Variants in KCNH8 observed in about 807,000 individuals in gnomAD.
KCNH8 encodes the protein potassium voltage-gated channel subfamily H member 8, also known as voltage-gated delayed rectifier potassium channel KCNH8.
KCNH8 carries 70 observed loss-of-function variants against 103.6 expected under a neutral mutation model. The observed-to-expected ratio is 0.68, with a 90% confidence interval of 0.56 to 0.82. The LOEUF is 0.82. KCNH8 is among the 40% of genes least tolerant of loss of function. The probability of loss-of-function intolerance (pLI) is 0.00; values close to 1 mark genes in which losing one functional copy is unlikely to be tolerated. For missense variants in KCNH8, 1,217 were observed against 1,329.9 expected, an observed-to-expected ratio of 0.92 and a Z score of 1.32; for synonymous variants, 498 against 489.4, an observed-to-expected ratio of 1.02 and a Z score of -0.23.
At chr3:19,409,815 AGACTT>A (rs145012587) in intron 7 of KCNH8, among the ~76,000 whole-genome samples, 1,754 of 152,290 alleles carry the variant, frequency 0.012, 89 homozygotes, top group Admixed American at 0.084. Flanking sequence ...AGCAACAAGA[AGACTT>A]GACTATCATA....
rs544749411 is a variant in KCNH8 at position 19,307,060 on chromosome 3, G to A, written c.442+25731G>A. 1.4e-4 allele frequency among the ~76,000 whole-genome samples: 21 copies of A among 151,910 alleles called. No homozygotes were observed. The South Asian group carries it at 1.7e-3, about 12-fold the overall frequency. On this transcript the variant is annotated intron_variant, in intron 3 of 15. Coordinates refer to ENST00000328405, the MANE Select transcript of KCNH8 (RefSeq NM_144633.3). ...AGAACAGAATAGAGAATCCAGAAAC[G>A]AATCCACATATCTACAGCCAACTGA...
intron 11 of KCNH8, among the ~76,000 whole-genome samples, chr3:19,459,218 A>G (rs2067582232): frequency 1.3e-5 from 2 of 151,968 alleles, no homozygotes; most frequent in African/African-American, 2.4e-5. Context: ...TTGCACCAAC[A>G]GTGTGCAGGG....
chr3:19,353,552 A>C (rs138940271), intron 5 of KCNH8, among the ~76,000 whole-genome samples: 1,618 of 152,332 alleles, frequency 0.011, 28 homozygotes, highest in African/African-American at 0.037. Flanking sequence ...AGTTGGCTTC[A>C]TCTCTGGGAT....
chr3:19,215,410 T>A (rs2063809154), intron 1 of KCNH8, among the ~76,000 whole-genome samples: 1 of 152,088 alleles, frequency 6.6e-6, no homozygotes, highest in Non-Finnish European at 1.5e-5. Flanking sequence ...GGACCTAGAT[T>A]TATGAGAGAT....
intron 1 of KCNH8, among the ~76,000 whole-genome samples, chr3:19,180,179 C>CA (rs2063437045): frequency 1.3e-5 from 2 of 151,888 alleles, no homozygotes; most frequent in Admixed American, 1.3e-4. Flanking sequence ...CTAACTATTT[C>CA]AACCCTTTAC....
At chr3:19,317,808 T>C (rs1381912358) in intron 3 of KCNH8, among the ~76,000 whole-genome samples, 2 of 151,774 alleles carry the variant, frequency 1.3e-5, no homozygotes, top group Non-Finnish European at 2.9e-5. Flanking sequence ...ATAAACTAGG[T>C]ATTGGAGGAA....
rs142801154 is a variant in KCNH8, at chr3:19,193,346, A to C, written c.76+44551A>C. Among the ~76,000 whole-genome samples, 752 of 151,784 alleles carry C rather than the reference A, an allele frequency of 5.0e-3. 4 individuals carry two copies. Among genetic ancestry groups the C allele is most frequent in the African/African-American group, 0.017 (714 of 41,500 alleles). On this transcript the variant is annotated intron_variant, in intron 1 of 15. Transcript: ENST00000328405. Reference sequence around the variant, plus strand: ...TAAGAACAATCTTATCTCCATGGATACTAATATTTCCTTGTCTTTCAGTCA... The same window carrying C: ...TAAGAACAATCTTATCTCCATGGATCCTAATATTTCCTTGTCTTTCAGTCA...
At chr3:19,292,100 A>G (rs534134876) in intron 3 of KCNH8, among the ~76,000 whole-genome samples, 6 of 152,308 alleles carry the variant, frequency 3.9e-5, no homozygotes, top group African/African-American at 1.2e-4. Context: ...CCAGTTGAGT[A>G]TAATAATACA....
At chr3:19,507,755 T>TG (rs1471073076) in intron 11 of KCNH8, among the ~76,000 whole-genome samples, 2 of 152,118 alleles carry the variant, frequency 1.3e-5, no homozygotes, top group Non-Finnish European at 2.9e-5. Context: ...TGCATTGTGC[T>TG]GGGGATCTGC....
intron 7 of KCNH8, among the ~76,000 whole-genome samples, chr3:19,423,286 AT>A (rs2066978087): frequency 6.6e-6 from 1 of 151,852 alleles, no homozygotes; most frequent in African/African-American, 2.4e-5. Context: ...TTTTATTTAT[AT>A]TTTTATTGTA....
chr3:19,174,069 A>G (rs919871097), intron 1 of KCNH8, among the ~76,000 whole-genome samples: 2 of 151,250 alleles, frequency 1.3e-5, no homozygotes, highest in African/African-American at 4.9e-5. Flanking sequence ...CTCCCACTCT[A>G]CACCGCTTGA....
At chr3:19,229,865 T>C (rs1485540521) in intron 1 of KCNH8, among the ~76,000 whole-genome samples, 1 of 152,218 alleles carries the variant, frequency 6.6e-6, no homozygotes, top group East Asian at 1.9e-4. Context: ...CTCCATGTTT[T>C]CAGTTATCTT....
In KCNH8 at chr3:19,497,193, C is replaced by T. The variant is rs764438968; in HGVS notation, c.2041-13170C>T. On this transcript the variant is annotated intron_variant, in intron 11 of 15. Transcript: ENST00000328405. ...TCTGTCGTATTAATTTTTTAAAAAC[C>T]AACTCTTGGATTAATTGATCTTTTG... Among the ~76,000 whole-genome samples, 3 of 151,828 alleles carry T rather than the reference C, an allele frequency of 2.0e-5. No individual in the cohort carries two copies. In the East Asian group the frequency reaches 5.8e-4, roughly 29 times the overall value.
intron 8 of KCNH8, among the ~76,000 whole-genome samples, chr3:19,446,349 T>G (rs903053268): frequency 3.3e-5 from 5 of 151,988 alleles, no homozygotes; most frequent in African/African-American, 1.2e-4. Flanking sequence ...TGAAGCATTA[T>G]TATCACAAAG....
At chr3:19,464,154 C>T (rs189025546) in intron 11 of KCNH8, among the ~76,000 whole-genome samples, 18 of 152,196 alleles carry the variant, frequency 1.2e-4, no homozygotes, top group Admixed American at 1.2e-3. Flanking sequence ...ACTTTAGAAA[C>T]TAAACCTACA....
At chr3:19,202,478 A>T (rs928638035) in intron 1 of KCNH8, among the ~76,000 whole-genome samples, 1 of 152,072 alleles carries the variant, frequency 6.6e-6, no homozygotes, top group Non-Finnish European at 1.5e-5. Flanking sequence ...TCCAAAGACT[A>T]TGTGAATTGT....
intron 5 of KCNH8, among the ~76,000 whole-genome samples, chr3:19,389,726 C>T (rs2066407693): frequency 6.6e-6 from 1 of 151,960 alleles, no homozygotes; most frequent in Admixed American, 6.6e-5. Flanking sequence ...TTCCTGGGCT[C>T]AAGTGATTCT....
chr3:19,451,462 A>C (rs2067446588), intron 10 of KCNH8, 58 bp downstream of exon 10: 1 of 1,538,700 alleles, frequency 6.5e-7, no homozygotes, highest in Non-Finnish European at 8.9e-7. Flanking sequence ...AATTAAGAAG[A>C]TGAAATGGGG....
intron 3 of KCNH8, among the ~76,000 whole-genome samples, chr3:19,326,359 AT>A (rs869071263): frequency 1.9e-5 from 1 of 53,650 alleles, no homozygotes; most frequent in African/African-American, 1.3e-4. Flanking sequence ...AAAGTTAAAT[AT>A]ATATATATAT....
Sources: gnomAD v4.1 joint callset for allele counts (sites outside exome capture counted in the v4.1 genomes callset) on GRCh38, gnomAD v4.1.1 for gene constraint, MANE v1.5 for transcripts, NCBI Gene and HGNC (gene_info 2026-07-23, HGNC 2026-07-21) for gene names.